Variants in CDH9 observed in about 807,000 individuals in gnomAD.
CDH9 encodes cadherin-9.
In CDH9, 28 loss-of-function variants were observed where a neutral mutation model predicts 70.9. That is an observed-to-expected ratio of 0.40 (90% CI 0.29 to 0.54). CDH9 has a LOEUF of 0.54. Ranked by LOEUF, CDH9 falls within the 20% of genes least tolerant of loss-of-function variation. CDH9 has a pLI of 0.59. For synonymous variants in CDH9, 409 were observed against 343.1 expected, an observed-to-expected ratio of 1.19 and a Z score of -2.12; for missense variants, 874 against 984.4, an observed-to-expected ratio of 0.89 and a Z score of 1.50.
At chr5:26,985,788 G>A (rs115986512) in intron 2 of CDH9, among the ~76,000 whole-genome samples, 1 of 152,000 alleles carries the variant, frequency 6.6e-6, no homozygotes, top group Non-Finnish European at 1.5e-5. Context: ...GTCTACCCAG[G>A]GAGACCAGAA....
intron 2 of CDH9, among the ~76,000 whole-genome samples, chr5:26,943,060 A>G (rs1741689611): frequency 6.6e-6 from 1 of 152,164 alleles, no homozygotes. Context: ...GTGGGATGGG[A>G]AGTTACCTTC....
chr5:26,912,486 A>G (rs185602916), intron 3 of CDH9, among the ~76,000 whole-genome samples: 1 of 150,148 alleles, frequency 6.7e-6, no homozygotes, highest in East Asian at 2.0e-4. Flanking sequence ...ATATATAGTG[A>G]TATATGTGAT....
chr5:26,883,620 G>A (rs1338364271), intron 11 of CDH9, among the ~76,000 whole-genome samples: 1 of 152,024 alleles, frequency 6.6e-6, no homozygotes, highest in East Asian at 1.9e-4. Flanking sequence ...ACCATAGTTA[G>A]ACTTGCTCCA....
chr5:26,968,294 T>A (rs2112069911), intron 2 of CDH9, among the ~76,000 whole-genome samples: 1 of 129,854 alleles, frequency 7.7e-6, no homozygotes, highest in Middle Eastern at 3.8e-3. Context: ...TTTTTATTTT[T>A]ATTTTTTTTG....
intron 2 of CDH9, among the ~76,000 whole-genome samples, chr5:26,926,804 A>G (rs1039587288): frequency 4.0e-5 from 6 of 151,856 alleles, no homozygotes; most frequent in African/African-American, 1.5e-4. Context: ...ATCTACAACC[A>G]TCTGATCTTT....
At chr5:26,954,847 G>A (rs1376790229) in intron 2 of CDH9, among the ~76,000 whole-genome samples, 2 of 152,116 alleles carry the variant, frequency 1.3e-5, no homozygotes, top group South Asian at 2.1e-4. Context: ...ACTGTGTCAC[G>A]TATGTCATCA....
chr5:26,973,020 C>G (rs2115310), intron 2 of CDH9, among the ~76,000 whole-genome samples: 50,931 of 151,886 alleles, frequency 0.34, 9,899 homozygotes, highest in Non-Finnish European at 0.43. Flanking sequence ...TGTGCTACCA[C>G]ACTCGGCTAA....
At chr5:26,933,001 ATAT>A (rs1482604297) in intron 2 of CDH9, among the ~76,000 whole-genome samples, 7 of 147,478 alleles carry the variant, frequency 4.7e-5, no homozygotes, top group Non-Finnish European at 1.0e-4. Context: ...AAATTTAGAT[ATAT>A]TATTTGTAAA....
At chr5:26,969,195 G>A (rs1418910746) in intron 2 of CDH9, among the ~76,000 whole-genome samples, 1 of 152,080 alleles carries the variant, frequency 6.6e-6, no homozygotes, top group Non-Finnish European at 1.5e-5. Flanking sequence ...GTACAATAAT[G>A]GATATTCTTG....
chr5:26,975,230 G>A (rs1003277489), intron 2 of CDH9, among the ~76,000 whole-genome samples: 3 of 151,632 alleles, frequency 2.0e-5, no homozygotes, highest in Non-Finnish European at 2.9e-5. Context: ...GCGAGATCTA[G>A]ACCGGAAGTG....
At chr5:26,980,474 T>C (rs980603129) in intron 2 of CDH9, among the ~76,000 whole-genome samples, 9 of 151,988 alleles carry the variant, frequency 5.9e-5, no homozygotes, top group Non-Finnish European at 1.2e-4. Flanking sequence ...TTAAAGAAAG[T>C]TAGATATTTT....
chr5:26,934,366 G>A (rs976023095), intron 2 of CDH9, among the ~76,000 whole-genome samples: 17 of 152,164 alleles, frequency 1.1e-4, no homozygotes, highest in Non-Finnish European at 2.4e-4. Flanking sequence ...TAGGGAGGAT[G>A]AGGTGGTAGG....
At chr5:26,942,675 C>A (rs746224253) in intron 2 of CDH9, among the ~76,000 whole-genome samples, 7 of 152,104 alleles carry the variant, frequency 4.6e-5, no homozygotes, top group Non-Finnish European at 7.4e-5. Flanking sequence ...GTTCTAAACA[C>A]CCCGGGTGGC....
chr5:27,026,067 A>C (rs1743215375), intron 1 of CDH9, among the ~76,000 whole-genome samples: 3 of 152,098 alleles, frequency 2.0e-5, no homozygotes, highest in East Asian at 3.9e-4. Flanking sequence ...CTCTGTTTGA[A>C]ATTTATTAAT....
intron 2 of CDH9, among the ~76,000 whole-genome samples, chr5:26,948,665 T>C (rs1475571378): frequency 2.0e-5 from 3 of 152,236 alleles, no homozygotes; most frequent in African/African-American, 7.2e-5. Flanking sequence ...TACAGGTTCC[T>C]GTTATTAATA....
intron 2 of CDH9, among the ~76,000 whole-genome samples, chr5:26,959,106 T>A (rs1741991952): frequency 6.6e-6 from 1 of 152,124 alleles, no homozygotes; most frequent in South Asian, 2.1e-4. Context: ...AAAACATATA[T>A]CTTACAAGTG....
At chr5:27,019,400 A>C (rs1743099015) in intron 1 of CDH9, among the ~76,000 whole-genome samples, 1 of 152,022 alleles carries the variant, frequency 6.6e-6, no homozygotes. Context: ...ATTTGTATGT[A>C]ATATTTGAAA....
At chr5:26,940,800 T>C (rs764257247) in intron 2 of CDH9, among the ~76,000 whole-genome samples, 2 of 152,178 alleles carry the variant, frequency 1.3e-5, no homozygotes, top group Non-Finnish European at 2.9e-5. Flanking sequence ...GTAAGAACAA[T>C]TAACCTGAAA....
chr5:26,885,700 G>A lies in CDH9; in HGVS notation c.1796C>T (p.Ser599Phe). The stretch of plus-strand genomic sequence containing the variant: ...AAGGATCAGGGCTTCTGCGGTGCAG[G>A]ATTGCATGTTTCCTTGATTATCGCA... The part of the protein sequence containing the change: ...CACDNQGNMQ[S>F]CTAEALILSA... Residue 599 changes from serine (S) to phenylalanine (F), a missense_variant, in exon 11 of 12, where the codon TCC becomes TTC. Coordinates refer to ENST00000231021, the MANE Select transcript of CDH9 (RefSeq NM_016279.4). 2.5e-6 allele frequency: 4 copies of A among 1,613,566 alleles called. No individual in the cohort carries two copies. The highest frequency in any genetic ancestry group is 3.4e-6 in the Non-Finnish European group (4 of 1,179,780).
Sources: gnomAD v4.1 joint callset for allele counts (sites outside exome capture counted in the v4.1 genomes callset) on GRCh38, gnomAD v4.1.1 for gene constraint, MANE v1.5 for transcripts, NCBI Gene and HGNC (gene_info 2026-07-23, HGNC 2026-07-21) for gene names.